The following ADGB variants were observed in gnomAD, a reference collection of about 807,000 sequenced individuals.
The protein encoded by ADGB is calpain-7-like protein.
In ADGB, 172 loss-of-function variants were observed where a neutral mutation model predicts 210.5. That is an observed-to-expected ratio of 0.82 (90% CI 0.72 to 0.93). ADGB has a LOEUF of 0.93. Among genes scored for constraint, ADGB ranks in the 40% least tolerant of loss-of-function variants. The pLI is 0.00. For synonymous variants in ADGB, 658 were observed against 662.7 expected, an observed-to-expected ratio of 0.99 and a Z score of 0.11; for missense variants, 2,025 against 1,964.8, an observed-to-expected ratio of 1.03 and a Z score of -0.58.
chr6:146,781,866 C>T (rs116811345), intron 29 of ADGB, among the ~76,000 whole-genome samples, 154 bp from the exon 30 acceptor site: 1,863 of 152,194 alleles, frequency 0.012, 31 homozygotes, highest in African/African-American at 0.04. Context: ...TTTATGAAAA[C>T]GAGTCCAACA....
intron 12 of ADGB, among the ~76,000 whole-genome samples, chr6:146,693,629 C>A (rs367673840): frequency 3.9e-5 from 6 of 152,268 alleles, no homozygotes; most frequent in African/African-American, 1.4e-4. Flanking sequence ...GTTTCCACAT[C>A]TTCCTTGTTC....
At chr6:146,632,885 C>A (rs961614201) in intron 1 of ADGB, among the ~76,000 whole-genome samples, 1 of 152,118 alleles carries the variant, frequency 6.6e-6, no homozygotes, top group African/African-American at 2.4e-5. Context: ...TGTTCTTGCT[C>A]AATCTATACC....
chr6:146,664,385 A>C, intron 6 of ADGB, 45 bp downstream of exon 6: 1 of 1,505,482 alleles, frequency 6.6e-7, no homozygotes, highest in Non-Finnish European at 8.9e-7. Context: ...AAAGCAAACA[A>C]AAACATTAAC....
intron 35 of ADGB, chr6:146,802,660 T>C: frequency 2.5e-6 from 2 of 797,610 alleles, no homozygotes; most frequent in South Asian, 1.9e-5. Flanking sequence ...AGTGGTTTCA[T>C]TATGTGGCTT....
In ADGB at chr6:146,623,180, G is replaced by A. The variant is rs180827340; in HGVS notation, c.75-12195G>A. On this transcript the variant is annotated intron_variant, in intron 1 of 35. Transcript: ENST00000397944. ...TTCTATTTTCCGTTTGGGTCCATAT[G>A]AGATTTAGAATCAACTTGTCAAATT... Among the ~76,000 whole-genome samples the A allele has an allele frequency of 4.6e-3, 701 of 151,972 alleles. 5 individuals are homozygous for A. Among genetic ancestry groups the A allele is most frequent in the Non-Finnish European group, 8.0e-3 (540 of 67,850 alleles).
At chr6:146,639,975 A>G (rs993102983) in intron 2 of ADGB, among the ~76,000 whole-genome samples, 1 of 152,116 alleles carries the variant, frequency 6.6e-6, no homozygotes, top group Non-Finnish European at 1.5e-5. Context: ...CAAATCCAGG[A>G]GTTGTTTTTT....
intron 27 of ADGB, among the ~76,000 whole-genome samples, chr6:146,754,002 A>T (rs574443249): frequency 2.0e-5 from 3 of 151,412 alleles, no homozygotes; most frequent in Non-Finnish European, 4.4e-5. Flanking sequence ...AAAATTTATT[A>T]TATTTGTCCT....
chr6:146,809,296 T>A (rs1778264662), intron 35 of ADGB, among the ~76,000 whole-genome samples: 1 of 152,310 alleles, frequency 6.6e-6, no homozygotes, highest in South Asian at 2.1e-4. Flanking sequence ...AACCTCCGCC[T>A]CCTGAGTTCA....
At chr6:146,717,660 A>G in intron 16 of ADGB, 61 bp downstream of exon 16, 1 of 782,168 alleles carries the variant, frequency 1.3e-6, no homozygotes, top group Non-Finnish European at 1.9e-6. Flanking sequence ...CACCCGTAGA[A>G]AACATCTTCA....
chr6:146,649,390 TG>T (rs1775666463), intron 3 of ADGB, among the ~76,000 whole-genome samples: 1 of 152,136 alleles, frequency 6.6e-6, no homozygotes, highest in Non-Finnish European at 1.5e-5. Flanking sequence ...TGCCAAACTC[TG>T]ACACCTTAAA....
At chr6:146,807,759 A>G in intron 35 of ADGB, 1 of 544,136 alleles carries the variant, frequency 1.8e-6, no homozygotes, top group South Asian at 3.1e-5. Flanking sequence ...ATTTGAAGCC[A>G]TTCGAGTTTA....
chr6:146,808,573 C>T (rs1397928313), intron 35 of ADGB, among the ~76,000 whole-genome samples: 1 of 152,232 alleles, frequency 6.6e-6, no homozygotes, highest in Non-Finnish European at 1.5e-5. Flanking sequence ...TGACTTTCTC[C>T]AAAAGCACAC....
At chr6:146,772,926 A>G (rs1777672902) in intron 29 of ADGB, among the ~76,000 whole-genome samples, 1 of 152,090 alleles carries the variant, frequency 6.6e-6, no homozygotes, top group East Asian at 1.9e-4. Context: ...GGGAAGGAGA[A>G]TGTGTCTCAG....
chr6:146,794,325 C>T lies in ADGB; in HGVS notation c.4537+5715C>T, dbSNP rs528547766. 2.0e-5 allele frequency among the ~76,000 whole-genome samples: 3 copies of T among 152,156 alleles called. No homozygotes were observed. In the East Asian group the frequency reaches 5.8e-4, roughly 29 times the overall value. On this transcript the variant is annotated intron_variant, in intron 33 of 35. Coordinates refer to ENST00000397944, the MANE Select transcript of ADGB (RefSeq NM_024694.4). ...TTTCCCATACTCCTAGAGTACTTGC[C>T]AAGGTAGCTCCGGTGAGTGGCTGGA...
At chr6:146,614,190 TCCCTC>T (rs1780752498) in intron 1 of ADGB, among the ~76,000 whole-genome samples, 9 of 93,016 alleles carry the variant, frequency 9.7e-5, no homozygotes, top group Admixed American at 4.4e-4. Context: ...CCTCCCTCCC[TCCCTC>T]CCTCCCTTCC....
chr6:146,636,635 G>A (rs532979000), intron 2 of ADGB, among the ~76,000 whole-genome samples: 3 of 151,384 alleles, frequency 2.0e-5, no homozygotes, highest in Non-Finnish European at 4.4e-5. Flanking sequence ...GGTGGGTGTG[G>A]GTGTGTGTGG....
intron 13 of ADGB, among the ~76,000 whole-genome samples, chr6:146,705,781 C>T (rs1015880802): frequency 2.6e-5 from 4 of 152,110 alleles, no homozygotes; most frequent in Non-Finnish European, 5.9e-5. Flanking sequence ...TAAGATAATG[C>T]TTGCCCTGTA....
chr6:146,728,619 A>G lies in ADGB; in HGVS notation c.2398A>G (p.Ile800Val), dbSNP rs902789341. The change falls in exon 20 of 36, where the codon ATT (isoleucine) becomes GTT (valine). Residue 800 changes from isoleucine (I) to valine (V), a missense_variant. Physicochemically the swap from Ile to Val is conservative, Grantham distance 29 (BLOSUM62 3). Coordinates refer to ENST00000397944, the MANE Select transcript of ADGB (RefSeq NM_024694.4). Reference sequence around the variant, plus strand: ...ACAGTCTCTGTTGATTATGAAAGCTATTGGAAATGTGATTGCTAATTTCAA... The same window carrying G: ...ACAGTCTCTGTTGATTATGAAAGCTGTTGGAAATGTGATTGCTAATTTCAA... ...TEQSLLIMKA[I>V]GNVIANFKDK... The G allele has an allele frequency of 3.2e-6, 5 of 1,551,532 alleles. No individual in the cohort carries two copies. In the African/African-American group the frequency reaches 4.1e-5, roughly 13 times the overall value.
chr6:146,745,270 AT>A (rs1316513381), intron 25 of ADGB, among the ~76,000 whole-genome samples: 1 of 152,138 alleles, frequency 6.6e-6, no homozygotes, highest in African/African-American at 2.4e-5. Flanking sequence ...TACTTTGAAC[AT>A]TTGCATCTAT....
Sources: gnomAD v4.1 joint callset for allele counts (sites outside exome capture counted in the v4.1 genomes callset) on GRCh38, gnomAD v4.1.1 for gene constraint, MANE v1.5 for transcripts, NCBI Gene and HGNC (gene_info 2026-07-23, HGNC 2026-07-21) for gene names.